RAB8B: variants seen among roughly 807,000 people sequenced by gnomAD.
RAB8B encodes RAB8B, member RAS oncogene family, also known as ras-related protein Rab-8B.
A neutral mutation model predicts 32.0 loss-of-function variants in RAB8B; 11 were observed. The observed-to-expected ratio is 0.34, with a 90% CI of 0.22 to 0.57. The LOEUF (loss-of-function observed/expected upper bound fraction) is 0.57. RAB8B is among the 20% of genes least tolerant of loss of function. RAB8B has a pLI of 0.86. For missense variants in RAB8B, 190 were observed against 258.5 expected (o/e 0.73, Z 1.82); for synonymous variants, 103 against 89.6 (o/e 1.15, Z -0.85).
chr15:63,243,052 A>G (rs1457848433), intron 1 of RAB8B, among the ~76,000 whole-genome samples: 2 of 152,386 alleles, frequency 1.3e-5, no homozygotes, highest in African/African-American at 4.8e-5. Flanking sequence ...ATGATAGAAG[A>G]CAGTGACAGA....
rs2038091622 is a variant in RAB8B, at chr15:63,248,781, G to A, written c.186-864G>A. Among the ~76,000 whole-genome samples, 1 of 151,870 alleles carries A rather than the reference G, an allele frequency of 6.6e-6. No individual in the cohort carries two copies. The highest frequency in any genetic ancestry group is 2.1e-4 in the South Asian group (1 of 4,814). ...GGCCTTCATCTTTTATTAGGATTTGGTATATACTAGATTTCTAGTATATTT... is the reference window on the plus strand; with the variant it reads ...GGCCTTCATCTTTTATTAGGATTTGATATATACTAGATTTCTAGTATATTT... On this transcript the variant is annotated intron_variant, in intron 2 of 7. Coordinates refer to ENST00000321437, the MANE Select transcript of RAB8B (RefSeq NM_016530.3). This position sits in a 1 kb window ranked among gnomAD's most constrained non-coding sequence, Gnocchi z 4.4.
intron 1 of RAB8B, among the ~76,000 whole-genome samples, chr15:63,223,253 A>G (rs927837658): frequency 6.6e-6 from 1 of 152,030 alleles, no homozygotes; most frequent in African/African-American, 2.4e-5. Context: ...CTGGTACTAC[A>G]GGCACCTGCC....
At chr15:63,263,258 A>G (rs1000736640) in intron 7 of RAB8B, among the ~76,000 whole-genome samples, 1 of 152,182 alleles carries the variant, frequency 6.6e-6, no homozygotes, top group African/African-American at 2.4e-5. Context: ...CTCCATTGGA[A>G]CTAGAAATAG....
chr15:63,235,960 T>G (rs955636518), intron 1 of RAB8B, among the ~76,000 whole-genome samples: 1 of 152,136 alleles, frequency 6.6e-6, no homozygotes, highest in African/African-American at 2.4e-5. Context: ...CACCAAGATG[T>G]GGATGTTCTT....
chr15:63,209,745 G>A (rs771317658), intron 1 of RAB8B, among the ~76,000 whole-genome samples: 13 of 151,456 alleles, frequency 8.6e-5, no homozygotes, highest in African/African-American at 2.9e-4. Flanking sequence ...ATGATTGCTC[G>A]TTTATCTTTT....
At chr15:63,245,807 G>A (rs2038066093) in intron 2 of RAB8B, among the ~76,000 whole-genome samples, 1 of 152,202 alleles carries the variant, frequency 6.6e-6, no homozygotes, top group Non-Finnish European at 1.5e-5. Flanking sequence ...GTCTAAACAC[G>A]AAATTCATTT....
intron 1 of RAB8B, among the ~76,000 whole-genome samples, chr15:63,210,512 G>A (rs1218081486): frequency 6.6e-6 from 1 of 152,200 alleles, no homozygotes; most frequent in Non-Finnish European, 1.5e-5. Context: ...CCACAGCTAG[G>A]CTTCCTGCTG....
intron 3 of RAB8B, among the ~76,000 whole-genome samples, chr15:63,251,524 A>G (rs190439074): frequency 6.6e-6 from 1 of 152,322 alleles, no homozygotes; most frequent in Admixed American, 6.5e-5. Flanking sequence ...TTGTATGAAG[A>G]AAGAGGGCAT....
intron 1 of RAB8B, among the ~76,000 whole-genome samples, chr15:63,241,959 C>T (rs1308538150): frequency 6.6e-6 from 1 of 151,768 alleles, no homozygotes; most frequent in Non-Finnish European, 1.5e-5. Flanking sequence ...TTTACAGACC[C>T]TGAAATGCTG....
intron 1 of RAB8B, among the ~76,000 whole-genome samples, chr15:63,221,253 A>G (rs1015043447): frequency 1.3e-5 from 2 of 152,328 alleles, no homozygotes; most frequent in Admixed American, 1.3e-4. Flanking sequence ...ATGGGGCCAT[A>G]TATTTTAAGA....
intron 1 of RAB8B, among the ~76,000 whole-genome samples, chr15:63,206,264 T>C (rs2037696988): frequency 1.3e-5 from 2 of 152,178 alleles, no homozygotes; most frequent in South Asian, 2.1e-4. Flanking sequence ...GCTAACTTCA[T>C]TTATGCCGCA....
intron 1 of RAB8B, among the ~76,000 whole-genome samples, chr15:63,215,178 T>C (rs944728074): frequency 5.9e-5 from 9 of 152,252 alleles, no homozygotes; most frequent in South Asian, 2.1e-4. Context: ...CTTTCTCTAC[T>C]GGGATTTAGA....
At chr15:63,192,664 T>C (rs2037566859) in intron 1 of RAB8B, among the ~76,000 whole-genome samples, 1 of 152,238 alleles carries the variant, frequency 6.6e-6, no homozygotes, top group Non-Finnish European at 1.5e-5. Flanking sequence ...AAAGTTTTAG[T>C]AGTTTTAAAA....
Position 63,259,163 on chromosome 15 carries a change from G to A in RAB8B, c.415-464G>A, listed in dbSNP as rs1361235331. Among the ~76,000 whole-genome samples, 1 of 152,046 alleles carries A rather than the reference G, an allele frequency of 6.6e-6. No individual in the cohort carries two copies. The highest frequency in any genetic ancestry group is 1.5e-5 in the Non-Finnish European group (1 of 67,988). ...GAGACAGAGTCTCGCTCTGTCACCT[G>A]GACTGGAGTGCAGTGGTGCGATCTC... On this transcript the variant is annotated intron_variant, in intron 5 of 7. Coordinates refer to ENST00000321437, the MANE Select transcript of RAB8B (RefSeq NM_016530.3). The surrounding 1 kb of genome is among the most constrained non-coding windows in gnomAD (Gnocchi z 4.4).
chr15:63,195,529 A>T (rs1017029257), intron 1 of RAB8B, among the ~76,000 whole-genome samples: 3 of 152,246 alleles, frequency 2.0e-5, no homozygotes, highest in African/African-American at 7.2e-5. Context: ...AGGTTTAGAT[A>T]TTGTTTTAGA....
intron 1 of RAB8B, among the ~76,000 whole-genome samples, chr15:63,200,421 T>C (rs1484775891): frequency 2.0e-5 from 3 of 152,244 alleles, no homozygotes; most frequent in East Asian, 1.9e-4. Context: ...AGATAACTTA[T>C]TGAAAATTGT....
chr15:63,222,878 C>T (rs1278385721), intron 1 of RAB8B, among the ~76,000 whole-genome samples: 4 of 152,094 alleles, frequency 2.6e-5, no homozygotes, highest in Middle Eastern at 3.5e-3. Context: ...ATTTCTGTTG[C>T]CTAGTGACAT....
At chr15:63,191,186 T>G (rs1269396093) in intron 1 of RAB8B, among the ~76,000 whole-genome samples, 1 of 152,218 alleles carries the variant, frequency 6.6e-6, no homozygotes, top group Non-Finnish European at 1.5e-5. Context: ...TTCGTATGGT[T>G]CTTACAGCAT....
chr15:63,243,372 T>C (rs1429686357), intron 1 of RAB8B, among the ~76,000 whole-genome samples: 1 of 152,234 alleles, frequency 6.6e-6, no homozygotes, highest in Non-Finnish European at 1.5e-5. Flanking sequence ...TGATGACGAT[T>C]TAGCAAATTG....
Sources: allele counts gnomAD v4.1 joint callset (sites outside exome capture counted in the v4.1 genomes callset), GRCh38; gene constraint gnomAD v4.1.1; non-coding constraint Gnocchi (gnomAD v3.1); transcripts MANE v1.5; gene names NCBI Gene and HGNC (gene_info 2026-07-23, HGNC 2026-07-21).